Variants in RERE observed in about 807,000 individuals in gnomAD.
RERE encodes the protein arginine-glutamic acid dipeptide repeats, also known as arginine-glutamic acid dipeptide repeats protein.
A neutral mutation model predicts 146.1 loss-of-function variants in RERE; 40 were observed. The observed-to-expected ratio is 0.27, with a 90% CI of 0.21 to 0.36. The LOEUF is 0.36. Ranked by LOEUF, RERE falls within the 10% of genes least tolerant of loss-of-function variation. RERE has a pLI of 1.00. For synonymous variants in RERE, 1,003 were observed against 866.0 expected, an observed-to-expected ratio of 1.16 and a Z score of -2.78; for missense variants, 1,933 against 2,138.7, an observed-to-expected ratio of 0.90 and a Z score of 1.90.
chr1:8,634,288 T>C (rs1647069525), intron 2 of RERE, among the ~76,000 whole-genome samples: 1 of 152,214 alleles, frequency 6.6e-6, no homozygotes, highest in Non-Finnish European at 1.5e-5. Flanking sequence ...CAATGCCTAT[T>C]ACTAACGTAT....
chr1:8,816,656 C>G (rs915295652), intron 1 of RERE, among the ~76,000 whole-genome samples: 17 of 152,174 alleles, frequency 1.1e-4, no homozygotes, highest in Non-Finnish European at 2.1e-4. Context: ...AGTAAGAATT[C>G]TATTCTGCTG....
At chr1:8,367,411 C>T (rs1351735629) in intron 12 of RERE, among the ~76,000 whole-genome samples, 3 of 152,152 alleles carry the variant, frequency 2.0e-5, no homozygotes, top group South Asian at 2.1e-4. Context: ...ACCACGGCTG[C>T]GGTCCCTAAA....
At chr1:8,786,496 T>C in intron 1 of RERE, 1 of 855,824 alleles carries the variant, frequency 1.2e-6, no homozygotes, top group Non-Finnish European at 2.0e-6. Flanking sequence ...ATTTACTGAC[T>C]TCAGATTTGG....
chr1:8,516,443 C>T (rs563020136), intron 7 of RERE, among the ~76,000 whole-genome samples: 1 of 152,026 alleles, frequency 6.6e-6, no homozygotes, highest in South Asian at 2.1e-4. Context: ...ATCCATTGAA[C>T]ATTTACTATG....
At chr1:8,443,946 C>A (rs1039441921) in intron 11 of RERE, among the ~76,000 whole-genome samples, 24 of 152,300 alleles carry the variant, frequency 1.6e-4, no homozygotes, top group Non-Finnish European at 5.9e-5. Context: ...GAGATGGAGC[C>A]CTCACACAGA....
At chr1:8,682,408 A>C (rs1429402766) in intron 1 of RERE, among the ~76,000 whole-genome samples, 1 of 152,236 alleles carries the variant, frequency 6.6e-6, no homozygotes, top group Non-Finnish European at 1.5e-5. Flanking sequence ...CTGAGGTACT[A>C]TGAAAATATT....
intron 1 of RERE, among the ~76,000 whole-genome samples, chr1:8,730,625 G>A (rs1206693891): frequency 6.6e-6 from 1 of 152,178 alleles, no homozygotes; most frequent in East Asian, 1.9e-4. Context: ...TTACAGGCAT[G>A]AGCCACTACG....
At chr1:8,620,982 T>A (rs539592955) in intron 3 of RERE, among the ~76,000 whole-genome samples, 2 of 152,032 alleles carry the variant, frequency 1.3e-5, no homozygotes, top group Non-Finnish European at 2.9e-5. Flanking sequence ...CTTGATACTA[T>A]CATAGCCTCC....
At chr1:8,471,209 A>G (rs1197370881) in intron 10 of RERE, among the ~76,000 whole-genome samples, 1 of 152,186 alleles carries the variant, frequency 6.6e-6, no homozygotes, top group Non-Finnish European at 1.5e-5. Context: ...ACATTTGGGG[A>G]AAATTACTGG....
chr1:8,635,942 T>G (rs568963137), intron 2 of RERE, among the ~76,000 whole-genome samples: 1 of 60,718 alleles, frequency 1.6e-5, no homozygotes. Context: ...CAATTATTAT[T>G]TTATTTTATC....
At chr1:8,566,546 G>A (rs980554264) in intron 4 of RERE, among the ~76,000 whole-genome samples, 1 of 152,074 alleles carries the variant, frequency 6.6e-6, no homozygotes, top group East Asian at 2.0e-4. Context: ...TTGAACCCAG[G>A]AGGCGGAAGT....
At chr1:8,471,359 C>T (rs1236852281) in intron 10 of RERE, among the ~76,000 whole-genome samples, 1 of 152,112 alleles carries the variant, frequency 6.6e-6, no homozygotes, top group Non-Finnish European at 1.5e-5. Flanking sequence ...GTCTCCCACA[C>T]TGGAGTGCAG....
At chr1:8,489,710 G>C (rs1401470910) in intron 10 of RERE, among the ~76,000 whole-genome samples, 1 of 152,090 alleles carries the variant, frequency 6.6e-6, no homozygotes, top group Non-Finnish European at 1.5e-5. Context: ...TGCTAAAGAC[G>C]TAAAATTATA....
intron 1 of RERE, among the ~76,000 whole-genome samples, chr1:8,746,235 A>G (rs1640418021): frequency 6.6e-6 from 1 of 152,202 alleles, no homozygotes; most frequent in African/African-American, 2.4e-5. Context: ...GTTAACGTAA[A>G]TCATAGTCTG....
At chr1:8,649,960 G>T (rs370780172) in intron 2 of RERE, among the ~76,000 whole-genome samples, 2 of 152,082 alleles carry the variant, frequency 1.3e-5, no homozygotes, top group South Asian at 2.1e-4. Context: ...GACTAACCTG[G>T]GAGAAAGGCA....
chr1:8,695,076 A>G (rs1442690777), intron 1 of RERE, among the ~76,000 whole-genome samples: 1 of 151,674 alleles, frequency 6.6e-6, no homozygotes, highest in Admixed American at 6.6e-5. Context: ...AAACAGACAC[A>G]TAGACCAATG....
chr1:8,533,531 CTG>C (rs1438191302), intron 7 of RERE, among the ~76,000 whole-genome samples: 2 of 152,218 alleles, frequency 1.3e-5, no homozygotes, highest in Non-Finnish European at 2.9e-5. Flanking sequence ...ACATATGCTT[CTG>C]CCAGGTATCT....
At chr1:8,482,076 A>C (rs1188709646) in intron 10 of RERE, among the ~76,000 whole-genome samples, 5 of 152,196 alleles carry the variant, frequency 3.3e-5, no homozygotes, top group Non-Finnish European at 7.3e-5. Context: ...TCAGTAAAAG[A>C]AAGCAGTCAC....
At chr1:8,546,965 G>A (rs6702060) in intron 6 of RERE, among the ~76,000 whole-genome samples, 89,006 of 151,686 alleles carry the variant, frequency 0.59, 26,714 homozygotes, top group East Asian at 0.83. Context: ...GACAAAAAAG[G>A]GGATATGAAC....
Sources: gnomAD v4.1 joint callset for allele counts (sites outside exome capture counted in the v4.1 genomes callset) on GRCh38, gnomAD v4.1.1 for gene constraint, MANE v1.5 for transcripts, NCBI Gene and HGNC (gene_info 2026-07-23, HGNC 2026-07-21) for gene names.